SLC23A2: variants seen among roughly 807,000 people sequenced by gnomAD.
The protein encoded by SLC23A2 is Na(+)/L-ascorbic acid transporter 2.
A neutral mutation model predicts 73.3 loss-of-function variants in SLC23A2; 36 were observed. The observed-to-expected ratio is 0.49, with a 90% CI of 0.38 to 0.65. The LOEUF (loss-of-function observed/expected upper bound fraction) is 0.65. SLC23A2 is among the 30% of genes least tolerant of loss of function. The pLI is 0.00. For missense variants in SLC23A2, 507 were observed against 841.6 expected (o/e 0.60, Z 4.92); for synonymous variants, 343 against 327.3 (o/e 1.05, Z -0.52).
At chr20:4,912,445 T>C (rs1600126438) in intron 4 of SLC23A2, among the ~76,000 whole-genome samples, 1 of 152,070 alleles carries the variant, frequency 6.6e-6, no homozygotes, top group African/African-American at 2.4e-5. Flanking sequence ...TTTCATTCAA[T>C]CCACAAAACA....
intron 1 of SLC23A2, among the ~76,000 whole-genome samples, chr20:5,007,268 C>T (rs1473909476): frequency 6.6e-6 from 1 of 152,124 alleles, no homozygotes; most frequent in Non-Finnish European, 1.5e-5. Context: ...TGGTGGCTCA[C>T]ACCTATAATC....
At chr20:4,978,495 C>A (rs1006490094) in intron 1 of SLC23A2, among the ~76,000 whole-genome samples, 1 of 152,132 alleles carries the variant, frequency 6.6e-6, no homozygotes, top group Non-Finnish European at 1.5e-5. Context: ...GGCTGCTTCT[C>A]CCCAGCACCC....
At position 4,862,661 on chromosome 20, in the gene SLC23A2, GT is replaced by G. The variant is rs1339633545; in HGVS notation, c.1486+116del. On this transcript the variant is annotated intron_variant, in intron 14 of 16. Coordinates refer to ENST00000338244, the MANE Select transcript of SLC23A2 (RefSeq NM_005116.6). The surrounding 1 kb of genome is among the most constrained non-coding windows in gnomAD (Gnocchi z 5.1). ...TTCATTTTTTGAAGGCATATCCTTT[GT>G]ATTTTAAAATAGAAATTTATCGTTA... 4 of 934,706 alleles carry G rather than the reference GT, an allele frequency of 4.3e-6. No homozygotes were observed. The highest frequency in any genetic ancestry group is 1.7e-5 in the African/African-American group (1 of 60,368). 57.9% of individuals were successfully genotyped at this position (934,706 alleles called of 1,614,324 possible).
At position 4,874,698 on chromosome 20, in the gene SLC23A2, T is replaced by C. The variant is rs1412448758; in HGVS notation, c.825-2A>G. ...AACAGTAATACTAGGAATATTGTCC[T>C]GAGGAGAGAAAGAAAACAAACTAGG... On this transcript the variant is annotated splice_acceptor_variant, in intron 9 of 16. Transcript: ENST00000338244. LOFTEE classifies it high-confidence loss of function. 1 of 1,586,710 alleles carries C rather than the reference T, an allele frequency of 6.3e-7. No homozygotes were observed. The highest frequency in any genetic ancestry group is 8.6e-7 in the Non-Finnish European group (1 of 1,166,900).
At chr20:4,924,935 A>G (rs1932620478) in intron 3 of SLC23A2, among the ~76,000 whole-genome samples, 1 of 152,198 alleles carries the variant, frequency 6.6e-6, no homozygotes, top group African/African-American at 2.4e-5. Flanking sequence ...CTGTAATCCC[A>G]GCACTTTGGG....
chr20:4,884,603 T>C (rs1487533701), intron 8 of SLC23A2, 150 bp downstream of exon 8: 1 of 680,804 alleles, frequency 1.5e-6, no homozygotes, highest in Non-Finnish European at 2.7e-6. Flanking sequence ...ATTGCTTAAC[T>C]ACATTTACTT....
At chr20:4,921,782 C>T (rs554195165) in intron 3 of SLC23A2, among the ~76,000 whole-genome samples, 1 of 152,094 alleles carries the variant, frequency 6.6e-6, no homozygotes, top group African/African-American at 2.4e-5. Context: ...GAAAGTTACA[C>T]AAATAATGAA....
intron 2 of SLC23A2, among the ~76,000 whole-genome samples, chr20:4,945,020 T>C (rs74763049): frequency 6.7e-6 from 1 of 149,418 alleles, no homozygotes; most frequent in African/African-American, 2.5e-5. Context: ...AAAAAAAAAA[T>C]CTTCAACTTG....
chr20:5,000,871 C>A (rs577407457), intron 1 of SLC23A2, among the ~76,000 whole-genome samples: 1 of 152,328 alleles, frequency 6.6e-6, no homozygotes, highest in Non-Finnish European at 1.5e-5. Context: ...AAAATTACTT[C>A]GCGCAGTCTT....
intron 2 of SLC23A2, among the ~76,000 whole-genome samples, chr20:4,960,334 G>C (rs1288785256): frequency 6.6e-6 from 1 of 152,172 alleles, no homozygotes; most frequent in Admixed American, 6.5e-5. Context: ...TCAAATACTT[G>C]GGAGAACCAC....
At chr20:4,944,430 G>C (rs533737359) in intron 2 of SLC23A2, among the ~76,000 whole-genome samples, 68 of 152,150 alleles carry the variant, frequency 4.5e-4, no homozygotes, top group Non-Finnish European at 1.0e-4. Flanking sequence ...GTAGAGACAG[G>C]GTTTCACCAT....
rs759230528 is a variant in SLC23A2 at position 4,859,267 on chromosome 20, GTGTT to G, written c.1720+18_1720+21del. The G allele has an allele frequency of 4.0e-6, 5 of 1,242,626 alleles. No individual in the cohort carries two copies. The highest frequency in any genetic ancestry group is 5.7e-6 in the Non-Finnish European group (5 of 870,584). The allele number at this position is 1,242,626 out of a possible 1,614,324, so 77.0% of individuals were successfully genotyped here. A position where few individuals can be genotyped will look rare whatever the true frequency, so the allele number is the denominator to read the frequency against. Reference sequence around the variant, plus strand: ...GTTAAAAAATAAAAAAAAAAAAAGTGTGTTTGATATATACCACGTACCTGGGATG... The same window carrying G: ...GTTAAAAAATAAAAAAAAAAAAAGTGTGATATATACCACGTACCTGGGATG... On this transcript the variant is annotated intron_variant, in intron 16 of 16. Transcript: ENST00000338244.
At chr20:4,981,996 C>CGGACGATGGCAATTTCTTA (rs1320298157) in intron 1 of SLC23A2, among the ~76,000 whole-genome samples, 2 of 150,150 alleles carry the variant, frequency 1.3e-5, no homozygotes, top group Admixed American at 6.6e-5. Flanking sequence ...CCACCGTGCC[C>CGGACGATGGCAATTTCTTA]AGCCTCTTTC....
Position 4,874,785 on chromosome 20 carries a change from T to C in SLC23A2, c.825-89A>G, listed in dbSNP as rs565230446. On this transcript the variant is annotated intron_variant, in intron 9 of 16. Coordinates refer to ENST00000338244, the MANE Select transcript of SLC23A2 (RefSeq NM_005116.6). The stretch of plus-strand genomic sequence containing the variant: ...CGAAGCTTCTATGGCAAAATTGACA[T>C]AGTGTTCAATTCATTTACCTAGAAA... 12 of 1,104,794 alleles carry C rather than the reference T, an allele frequency of 1.1e-5. No homozygotes were observed. In the East Asian group the frequency reaches 2.9e-4, roughly 27 times the overall value. 68.4% of individuals were successfully genotyped at this position (1,104,794 alleles called of 1,614,324 possible).
chr20:5,008,430 A>G (rs1412822398), intron 1 of SLC23A2, among the ~76,000 whole-genome samples: 7 of 152,184 alleles, frequency 4.6e-5, no homozygotes, highest in Non-Finnish European at 5.9e-5. Flanking sequence ...AAGGGGCTCA[A>G]AGAAGCAGGG....
chr20:4,908,430 C>T (rs1268580617), intron 4 of SLC23A2, among the ~76,000 whole-genome samples: 3 of 152,104 alleles, frequency 2.0e-5, no homozygotes, highest in Admixed American at 1.3e-4. Context: ...AAAGTAAATG[C>T]CTCAACAGCC....
chr20:4,991,777 A>G lies in SLC23A2; in HGVS notation c.-282+9629T>C, dbSNP rs146057754. Among the ~76,000 whole-genome samples, 275 of 151,560 alleles carry G rather than the reference A, an allele frequency of 1.8e-3. 3 individuals carry two copies. The highest frequency in any genetic ancestry group is 6.4e-3 in the African/African-American group (264 of 41,366). On this transcript the variant is annotated intron_variant, in intron 1 of 16. Coordinates refer to ENST00000338244, the MANE Select transcript of SLC23A2 (RefSeq NM_005116.6). ...ACACACACACACAAAAGTAATCTATAGACCACATATTAGGAAAAATCTAGA... is the reference window on the plus strand; with the variant it reads ...ACACACACACACAAAAGTAATCTATGGACCACATATTAGGAAAAATCTAGA...
upstream of SLC23A2, among the ~76,000 whole-genome samples, chr20:5,005,097 T>A (rs1286544123): frequency 6.6e-6 from 1 of 151,488 alleles, no homozygotes; most frequent in African/African-American, 2.4e-5. Context: ...TTCAAGGCCC[T>A]TAATCTCTAG....
chr20:4,916,101 C>G (rs1429981187), intron 3 of SLC23A2, among the ~76,000 whole-genome samples: 2 of 152,160 alleles, frequency 1.3e-5, no homozygotes, highest in African/African-American at 2.4e-5. Context: ...GTTTTTTACA[C>G]AAGCCAACTG....
Sources: allele counts gnomAD v4.1 joint callset (sites outside exome capture counted in the v4.1 genomes callset), GRCh38; gene constraint gnomAD v4.1.1; non-coding constraint Gnocchi (gnomAD v3.1); transcripts MANE v1.5; gene names NCBI Gene and HGNC (gene_info 2026-07-23, HGNC 2026-07-21).